Variants in HOXD3 observed in about 807,000 individuals in gnomAD.
HOXD3 encodes homeobox D3.
Under a neutral mutation model 32.8 loss-of-function variants are expected in HOXD3, and 13 were observed. The observed-to-expected ratio is 0.40, with a 90% CI of 0.26 to 0.63. The LOEUF (loss-of-function observed/expected upper bound fraction) is 0.63, where lower values mean the gene tolerates loss of function less well. Among genes scored for constraint, HOXD3 ranks in the 20% least tolerant of loss-of-function variants. HOXD3 has a pLI of 0.44. For synonymous variants in HOXD3, 241 were observed against 246.8 expected, an observed-to-expected ratio of 0.98 and a Z score of 0.22; for missense variants, 504 against 577.1, an observed-to-expected ratio of 0.87 and a Z score of 1.30.
At chr2:176,169,782 CT>C (rs976160750) in intron 3 of HOXD3, 127 bp downstream of exon 3, 97 of 1,221,208 alleles carry the variant, frequency 7.9e-5, no homozygotes, top group South Asian at 1.1e-4. Context: ...TCAAAATGTT[CT>C]TTTTTTTAGT....
chr2:176,156,662 C>T (rs1219759948), upstream of HOXD3, among the ~76,000 whole-genome samples: 1 of 152,136 alleles, frequency 6.6e-6, no homozygotes, highest in Non-Finnish European at 1.5e-5. Flanking sequence ...CGCGCCCCCT[C>T]CACCCCTCAG....
At chr2:176,156,503 A>AAGGCTGGG, upstream of HOXD3, among the ~76,000 whole-genome samples, 1 of 152,214 alleles carries the variant, frequency 6.6e-6, no homozygotes, top group South Asian at 2.1e-4. Context: ...CCCCACCCCT[A>AAGGCTGGG]AGGCAGGGAG....
chr2:176,155,733 T>G (rs1223562531), upstream of HOXD3, among the ~76,000 whole-genome samples: 1 of 152,220 alleles, frequency 6.6e-6, no homozygotes, highest in Non-Finnish European at 1.5e-5. Flanking sequence ...TATTATTTGT[T>G]TCCAGTTTGT....
chr2:176,154,062 G>T (rs373228485), upstream of HOXD3, among the ~76,000 whole-genome samples: 8 of 148,728 alleles, frequency 5.4e-5, no homozygotes, highest in East Asian at 1.2e-3. Flanking sequence ...GCTTTAAGAA[G>T]GAAAAAAAAA....
At chr2:176,153,786 T>G (rs567069827), upstream of HOXD3, among the ~76,000 whole-genome samples, 1 of 152,302 alleles carries the variant, frequency 6.6e-6, no homozygotes, top group East Asian at 1.9e-4. Flanking sequence ...CCACATGTGT[T>G]TTTTTCAGCA....
rs1341693857 is a variant in HOXD3, at chr2:176,172,178, T to C, written c.1203T>C (p.His401=). The change falls in exon 4 of 4, where the codon CAT becomes CAC. Residue 401 remains histidine (H), a synonymous_variant. Transcript: ENST00000683222. ...CAAQIPGNHH[H]GPCDPHPTYT... ...CGCAGATTCCAGGCAACCACCACCA[T>C]GGACCTTGCGACCCTCATCCCACCT... 2.5e-6 allele frequency: 4 copies of C among 1,613,072 alleles called. No homozygotes were observed. Among genetic ancestry groups the C allele is most frequent in the Non-Finnish European group, 3.4e-6 (4 of 1,179,982 alleles).
intron 1 of HOXD3, among the ~76,000 whole-genome samples, chr2:176,160,219 C>T (rs1690756184): frequency 6.6e-6 from 1 of 152,166 alleles, no homozygotes; most frequent in Admixed American, 6.5e-5. Flanking sequence ...CGGAGTACTC[C>T]GCGGGCCCGG....
In HOXD3 at chr2:176,167,776, A is replaced by C. The variant is rs139945528; in HGVS notation, c.-84-1255A>C. 4.0e-4 allele frequency among the ~76,000 whole-genome samples: 57 copies of C among 143,790 alleles called. No homozygotes were observed. In the East Asian group the frequency reaches 0.012, roughly 30 times the overall value. The allele number at this position is 143,790 out of a possible 152,430, so 94.3% of individuals were successfully genotyped here. On this transcript the variant is annotated intron_variant, in intron 2 of 3. Coordinates refer to ENST00000683222, the MANE Select transcript of HOXD3 (RefSeq NM_006898.5). Reference sequence around the variant, plus strand: ...CATTTCCCATCAAAACCTTGTGCTGACCCAATGATTGACTGATTGATCCAC... The same window carrying C: ...CATTTCCCATCAAAACCTTGTGCTGCCCCAATGATTGACTGATTGATCCAC...
chr2:176,169,288 C>G lies in HOXD3; in HGVS notation c.174C>G (p.Ser58=). The change falls in exon 3 of 4, where the codon TCC becomes TCG. Residue 58 remains serine (S), a synonymous_variant. Transcript: ENST00000683222. ...ACCCACCCCCTGCTGCTGCCAGCTC[C>G]CTGGACACTGACTATCCAGGTTCTG... The part of the protein sequence containing the change: ...QPYPPPAAAS[S]LDTDYPGSAC... The G allele has an allele frequency of 6.2e-7, 1 of 1,614,144 alleles. No homozygotes were observed. The highest frequency in any genetic ancestry group is 1.1e-5 in the South Asian group (1 of 91,064).
rs764904124 is a variant in HOXD3 at position 176,172,008 on chromosome 2, G to A, written c.1033G>A (p.Gly345Ser). Residue 345 changes from glycine (G) to serine (S), a missense_variant, in exon 4 of 4, where the codon GGC (glycine) becomes AGC (serine). Coordinates refer to ENST00000683222, the MANE Select transcript of HOXD3 (RefSeq NM_006898.5). Reference protein sequence around the residue: ...EPHPMASNGGGFASANLQGSP... With the variant: ...EPHPMASNGGSFASANLQGSP... ...CCATCCCATGGCGAGCAACGGCGGC[G>A]GCTTCGCCAGCGCCAACTTGCAGGG... The A allele has an allele frequency of 4.4e-6, 7 of 1,606,628 alleles. No individual in the cohort carries two copies. Among genetic ancestry groups the A allele is most frequent in the Admixed American group, 1.7e-5 (1 of 59,710 alleles).
intron 1 of HOXD3, among the ~76,000 whole-genome samples, chr2:176,160,088 G>A (rs1360549899): frequency 2.0e-5 from 3 of 152,198 alleles, no homozygotes; most frequent in African/African-American, 2.4e-5. Flanking sequence ...TTTCTGAGGT[G>A]ACTGGCCAGA....
upstream of HOXD3, among the ~76,000 whole-genome samples, chr2:176,156,307 G>A (rs910449926): frequency 1.3e-5 from 2 of 152,228 alleles, no homozygotes; most frequent in Admixed American, 6.5e-5. Flanking sequence ...GCATTGGGAA[G>A]CCTGGGGTTG....
At position 176,159,052 on chromosome 2, in the gene HOXD3, C is replaced by A. The variant is rs148253709; in HGVS notation, c.-181+1600C>A. The stretch of plus-strand genomic sequence containing the variant: ...GGGTGCGAGACTGTTGGGGGCCGGG[C>A]GAGGACTGTAAATCTTTCCGGTTTA... On this transcript the variant is annotated intron_variant, in intron 1 of 3. Transcript: ENST00000683222. Among the ~76,000 whole-genome samples, 416 of 152,298 alleles carry A rather than the reference C, an allele frequency of 2.7e-3. 4 individuals carry two copies. In the East Asian group the frequency reaches 0.035, roughly 13 times the overall value.
intron 2 of HOXD3, among the ~76,000 whole-genome samples, chr2:176,167,576 C>T (rs927957670): frequency 6.6e-6 from 1 of 152,066 alleles, no homozygotes. Context: ...AGATTTTACA[C>T]TGCTGATTCA....
At chr2:176,158,159 T>C (rs1211402794) in intron 1 of HOXD3, among the ~76,000 whole-genome samples, 1 of 152,244 alleles carries the variant, frequency 6.6e-6, no homozygotes, top group South Asian at 2.1e-4. Flanking sequence ...TTTTTGTGTT[T>C]GTATTTTTTA....
chr2:176,169,737 A>G (rs776957117), intron 3 of HOXD3, 82 bp downstream of exon 3: 18 of 1,480,524 alleles, frequency 1.2e-5, no homozygotes, highest in Non-Finnish European at 1.4e-5. Context: ...TGGAAATGCA[A>G]CCTTGGAGGT....
chr2:176,159,960 G>C (rs865775406), intron 1 of HOXD3, among the ~76,000 whole-genome samples: 1 of 152,244 alleles, frequency 6.6e-6, no homozygotes, highest in South Asian at 2.1e-4. Flanking sequence ...AGGGATCAGA[G>C]AGGGGAGGTC....
chr2:176,161,528 G>A (rs1029085110), intron 1 of HOXD3, among the ~76,000 whole-genome samples: 1 of 152,122 alleles, frequency 6.6e-6, no homozygotes, highest in Non-Finnish European at 1.5e-5. Context: ...TTGAGCTGCC[G>A]GGCTGGGTGC....
At chr2:176,163,090 G>A (rs1690857791) in intron 1 of HOXD3, among the ~76,000 whole-genome samples, 1 of 152,132 alleles carries the variant, frequency 6.6e-6, no homozygotes, top group African/African-American at 2.4e-5. Flanking sequence ...GCCGCAGCGC[G>A]AAGTTAGGAG....
Sources: gnomAD v4.1 joint callset for allele counts (sites outside exome capture counted in the v4.1 genomes callset) on GRCh38, gnomAD v4.1.1 for gene constraint, MANE v1.5 for transcripts, NCBI Gene and HGNC (gene_info 2026-07-23, HGNC 2026-07-21) for gene names.